The following DSE variants were observed in gnomAD, a reference collection of about 807,000 sequenced individuals.
DSE encodes dermatan-sulfate epimerase.
A neutral mutation model predicts 84.4 loss-of-function variants in DSE; 36 were observed. The observed-to-expected ratio is 0.43, with a 90% CI of 0.33 to 0.56. DSE has a LOEUF of 0.56. DSE is among the 20% of genes least tolerant of loss of function. The pLI, the probability that DSE is intolerant of heterozygous loss-of-function variation, is 0.06. For synonymous variants in DSE, 410 were observed against 430.1 expected, an observed-to-expected ratio of 0.95 and a Z score of 0.58; for missense variants, 862 against 1,169.6, an observed-to-expected ratio of 0.74 and a Z score of 3.84.
intron 2 of DSE, among the ~76,000 whole-genome samples, chr6:116,307,989 T>C (rs954241464): frequency 6.6e-6 from 1 of 152,246 alleles, no homozygotes; most frequent in South Asian, 2.1e-4. Flanking sequence ...CTTTGTTTTT[T>C]ATTTCATTCT....
At chr6:116,321,737 G>T (rs1029054148) in intron 2 of DSE, among the ~76,000 whole-genome samples, 7 of 152,150 alleles carry the variant, frequency 4.6e-5, no homozygotes, top group African/African-American at 1.7e-4. Context: ...TCGCGCCACC[G>T]CACTCCAGCC....
chr6:116,302,401 T>C (rs1775093870), intron 2 of DSE, among the ~76,000 whole-genome samples: 1 of 152,264 alleles, frequency 6.6e-6, no homozygotes, highest in East Asian at 1.9e-4. Context: ...GATGAGCTTT[T>C]TTTCATATGT....
intron 2 of DSE, among the ~76,000 whole-genome samples, chr6:116,332,665 CA>C (rs899337936): frequency 7.9e-5 from 12 of 151,758 alleles, no homozygotes; most frequent in African/African-American, 2.9e-4. Flanking sequence ...AGGACACACA[CA>C]AAAAAGTACT....
intron 2 of DSE, among the ~76,000 whole-genome samples, chr6:116,343,103 G>GT (rs1344109440): frequency 6.6e-6 from 1 of 152,182 alleles, no homozygotes; most frequent in Non-Finnish European, 1.5e-5. Context: ...CGGGAGGGGC[G>GT]TCTGCCATTG....
At chr6:116,324,700 T>C (rs1776523201) in intron 2 of DSE, among the ~76,000 whole-genome samples, 1 of 152,212 alleles carries the variant, frequency 6.6e-6, no homozygotes, top group African/African-American at 2.4e-5. Flanking sequence ...CTCTCATTGG[T>C]AGCTCGAGGA....
Position 116,433,436 on chromosome 6 carries a change from G to T in DSE, c.1004G>T (p.Arg335Leu). 1 of 1,552,090 alleles carries T rather than the reference G, an allele frequency of 6.4e-7. No homozygotes were observed. ...GTGTTCCTTGATAAATTTGTCATGCGTAATGGCAGTGGTAACTGGCTAGCT... is the reference window on the plus strand; with the variant it reads ...GTGTTCCTTGATAAATTTGTCATGCTTAATGGCAGTGGTAACTGGCTAGCT... ...QLVFLDKFVMRNGSGNWLADQ... is the reference protein window; with the variant it reads ...QLVFLDKFVMLNGSGNWLADQ... Residue 335 changes from arginine to leucine, a missense_variant, in exon 5 of 6, where the codon CGT (arginine) becomes CTT (leucine). Physicochemically the swap from Arg to Leu is moderately radical, Grantham distance 102. This residue lies in a region of DSE where 309 missense variants were observed against 516.9 expected (regional missense o/e 0.60). Transcript: ENST00000644252.
chr6:116,324,308 G>T (rs1465399947), intron 2 of DSE, among the ~76,000 whole-genome samples: 1 of 152,094 alleles, frequency 6.6e-6, no homozygotes, highest in Non-Finnish European at 1.5e-5. Context: ...TACAACAGCA[G>T]GCAAGATCCA....
In DSE at chr6:116,274,737, A is replaced by G. The variant is rs910588085; in HGVS notation, c.-54+15770A>G. 8.5e-5 allele frequency among the ~76,000 whole-genome samples: 13 copies of G among 152,226 alleles called. No individual in the cohort carries two copies. The East Asian group carries it at 2.5e-3, about 29-fold the overall frequency. On this transcript the variant is annotated intron_variant, in intron 2 of 3. Coordinates refer to the DSE transcript ENST00000430252. ...GCACAGTACATTTTGCAAAATATTC[A>G]GTGCATCTTAAGTACTCAAGAACAG...
At chr6:116,361,969 AT>A (rs1778923012) in intron 2 of DSE, among the ~76,000 whole-genome samples, 1 of 152,206 alleles carries the variant, frequency 6.6e-6, no homozygotes, top group Non-Finnish European at 1.5e-5. Flanking sequence ...TATGTATTGT[AT>A]TATATACATA....
intron 2 of DSE, among the ~76,000 whole-genome samples, chr6:116,364,786 CTAAT>C (rs1170016317): frequency 2.7e-5 from 4 of 150,322 alleles, no homozygotes; most frequent in Admixed American, 6.6e-5. Flanking sequence ...AACATATTCT[CTAAT>C]TAATACTTCC....
chr6:116,360,004 A>T (rs1414239969), intron 2 of DSE, among the ~76,000 whole-genome samples: 2 of 152,238 alleles, frequency 1.3e-5, no homozygotes, highest in Non-Finnish European at 2.9e-5. Flanking sequence ...GAGAAGGTAT[A>T]TTACACCATG....
At chr6:116,376,288 T>C (rs539557955) in intron 1 of DSE, among the ~76,000 whole-genome samples, 2 of 152,368 alleles carry the variant, frequency 1.3e-5, no homozygotes, top group South Asian at 4.1e-4. Context: ...TCAGTTCTCA[T>C]TAGCTGGCTT....
intron 2 of DSE, among the ~76,000 whole-genome samples, chr6:116,316,813 A>G (rs548752915): frequency 1.3e-4 from 16 of 126,464 alleles, no homozygotes; most frequent in Admixed American, 3.0e-4. Context: ...TTCTTCTACT[A>G]CTACTACTAC....
intron 2 of DSE, among the ~76,000 whole-genome samples, chr6:116,260,538 C>T (rs556823082): frequency 7.8e-4 from 119 of 152,262 alleles, no homozygotes; most frequent in Admixed American, 1.4e-3. Context: ...TTTGGTGTCT[C>T]TGTCATGAAA....
At chr6:116,310,020 T>A (rs1189905062) in intron 2 of DSE, among the ~76,000 whole-genome samples, 6 of 152,172 alleles carry the variant, frequency 3.9e-5, no homozygotes, top group African/African-American at 1.2e-4. Flanking sequence ...TTGCCAACTA[T>A]TAGAGTTTAC....
rs148204266 is a variant in DSE, at chr6:116,283,526, TTTGTTGTTG to T, written c.-54+24589_-54+24597del. Among the ~76,000 whole-genome samples the T allele has an allele frequency of 2.0e-3, 302 of 149,350 alleles. 1 individual carries two copies. The highest frequency in any genetic ancestry group is 4.2e-3 in the East Asian group (21 of 5,034). ...ATGGGGCTCAGGTTTGGGTAGATTC[TTTGTTGTTG>T]TTGTTGTTGTTGTTGTTGTTGTTGT... On this transcript the variant is annotated intron_variant, in intron 2 of 3. Coordinates refer to the DSE transcript ENST00000430252.
At chr6:116,346,611 G>C (rs1470563113) in intron 2 of DSE, among the ~76,000 whole-genome samples, 26 of 152,120 alleles carry the variant, frequency 1.7e-4, no homozygotes, top group Admixed American at 1.7e-3. Context: ...GTATTGATGG[G>C]ATGTATGTCA....
intron 1 of DSE, among the ~76,000 whole-genome samples, chr6:116,384,604 T>C (rs962435501): frequency 6.6e-6 from 1 of 152,228 alleles, no homozygotes; most frequent in African/African-American, 2.4e-5. Flanking sequence ...TTTATCTCCA[T>C]ATGATTTGTC....
At chr6:116,303,194 C>G (rs565575451) in intron 2 of DSE, among the ~76,000 whole-genome samples, 19 of 152,158 alleles carry the variant, frequency 1.2e-4, no homozygotes, top group African/African-American at 4.3e-4. Context: ...ACCTCCACCC[C>G]TCCCCTCAAC....
Sources: gnomAD v4.1 joint callset for allele counts (sites outside exome capture counted in the v4.1 genomes callset) on GRCh38, gnomAD v4.1.1 for gene constraint, gnomAD v4.1.1 regional missense constraint, MANE v1.5 for transcripts, NCBI Gene and HGNC (gene_info 2026-07-23, HGNC 2026-07-21) for gene names.